Variants in SLC14A2 observed in about 807,000 individuals in gnomAD.
The protein encoded by SLC14A2 is urea transporter 2.
A neutral mutation model predicts 104.6 loss-of-function variants in SLC14A2; 91 were observed. That is an observed-to-expected ratio of 0.87 (90% confidence interval 0.73 to 1.04). The LOEUF is 1.04. SLC14A2 is among the 50% of genes least tolerant of loss of function. The probability of loss-of-function intolerance (pLI) is 0.00; values close to 1 mark genes in which losing one functional copy is unlikely to be tolerated. For missense variants in SLC14A2, 1,189 were observed against 1,156.0 expected (o/e 1.03, Z -0.41); for synonymous variants, 476 against 466.4 (o/e 1.02, Z -0.27).
chr18:45,275,672 C>T (rs2084694748), intron 1 of SLC14A2, among the ~76,000 whole-genome samples: 1 of 152,144 alleles, frequency 6.6e-6, no homozygotes. Flanking sequence ...AAGTGACTTC[C>T]CCTGAAAGTA....
At chr18:45,616,373 A>G (rs1367972168) in intron 1 of SLC14A2, among the ~76,000 whole-genome samples, 1 of 152,212 alleles carries the variant, frequency 6.6e-6, no homozygotes, top group Non-Finnish European at 1.5e-5. Context: ...ATTCTATATT[A>G]GTTCATATCA....
chr18:45,229,244 A>G (rs2084150686), intron 1 of SLC14A2, among the ~76,000 whole-genome samples: 1 of 152,148 alleles, frequency 6.6e-6, no homozygotes, highest in African/African-American at 2.4e-5. Flanking sequence ...GATGCTGGAG[A>G]TACACGCAGA....
chr18:45,312,098 G>A (rs1157597223), intron 1 of SLC14A2, among the ~76,000 whole-genome samples: 5 of 152,198 alleles, frequency 3.3e-5, no homozygotes, highest in Non-Finnish European at 7.3e-5. Flanking sequence ...TACAAGCTGT[G>A]TGACTATGGG....
At chr18:45,600,234 G>A (rs1421685989) in intron 2 of SLC14A2, among the ~76,000 whole-genome samples, 16 of 152,094 alleles carry the variant, frequency 1.1e-4, no homozygotes, top group Admixed American at 1.0e-3. Flanking sequence ...CCCTCTCATG[G>A]TGTTTTTATT....
At chr18:45,327,375 T>C (rs2085246172) in intron 1 of SLC14A2, among the ~76,000 whole-genome samples, 1 of 152,184 alleles carries the variant, frequency 6.6e-6, no homozygotes, top group Non-Finnish European at 1.5e-5. Context: ...ATGCTAAATG[T>C]AGCCCAGTGT....
At chr18:45,238,387 G>T (rs1448813584) in intron 1 of SLC14A2, among the ~76,000 whole-genome samples, 1 of 152,228 alleles carries the variant, frequency 6.6e-6, no homozygotes, top group Admixed American at 6.5e-5. Context: ...CGGTTAGAGT[G>T]TAGAAAGCAA....
intron 1 of SLC14A2, among the ~76,000 whole-genome samples, chr18:45,290,525 A>G (rs1026506793): frequency 1.3e-5 from 2 of 152,198 alleles, no homozygotes; most frequent in Non-Finnish European, 2.9e-5. Context: ...TGGCTTGGCT[A>G]CTAACTGGCA....
chr18:45,315,178 G>T (rs918262624), intron 1 of SLC14A2, among the ~76,000 whole-genome samples: 1 of 152,122 alleles, frequency 6.6e-6, no homozygotes, highest in Non-Finnish European at 1.5e-5. Flanking sequence ...AACCTACAGG[G>T]GCCTCCAGAA....
chr18:45,424,482 G>C (rs184696705), intron 1 of SLC14A2, among the ~76,000 whole-genome samples: 1 of 152,218 alleles, frequency 6.6e-6, no homozygotes, highest in Non-Finnish European at 1.5e-5. Flanking sequence ...GGAAGAAAGG[G>C]GGTAGGGTCA....
chr18:45,544,085 C>T (rs2043930276), intron 2 of SLC14A2, among the ~76,000 whole-genome samples: 1 of 152,212 alleles, frequency 6.6e-6, no homozygotes, highest in Admixed American at 6.5e-5. Context: ...GCCTGATTTC[C>T]TCTGAAAGTC....
intron 1 of SLC14A2, among the ~76,000 whole-genome samples, chr18:45,397,070 C>A (rs190416833): frequency 2.0e-5 from 3 of 152,102 alleles, no homozygotes; most frequent in African/African-American, 7.2e-5. Flanking sequence ...CTGTCATTGA[C>A]GGGCATTTAG....
intron 1 of SLC14A2, among the ~76,000 whole-genome samples, chr18:45,430,388 C>T (rs942795484): frequency 3.3e-5 from 5 of 152,084 alleles, no homozygotes; most frequent in Admixed American, 2.0e-4. Context: ...CCCATATGCT[C>T]ATGGCTATAA....
At chr18:45,243,900 A>G (rs187963017) in intron 1 of SLC14A2, among the ~76,000 whole-genome samples, 134 of 152,330 alleles carry the variant, frequency 8.8e-4, no homozygotes, top group African/African-American at 3.1e-3. Context: ...GTCTGTCTAC[A>G]GGCAGACATG....
chr18:45,425,836 C>T (rs1388498319), intron 1 of SLC14A2, among the ~76,000 whole-genome samples: 2 of 152,094 alleles, frequency 1.3e-5, no homozygotes, highest in African/African-American at 2.4e-5. Flanking sequence ...TTATGACTTT[C>T]CCATGGATAG....
chr18:45,418,026 G>C (rs1243696193), intron 1 of SLC14A2, among the ~76,000 whole-genome samples: 2 of 152,148 alleles, frequency 1.3e-5, no homozygotes, highest in Admixed American at 1.3e-4. Context: ...CAGCTATTCA[G>C]GGAAATAGCA....
Position 45,623,171 on chromosome 18 carries a change from G to A in SLC14A2, c.-34-1460G>A, listed in dbSNP as rs184614894. 1.1e-4 allele frequency among the ~76,000 whole-genome samples: 17 copies of A among 152,236 alleles called. 1 individual carries two copies. The highest frequency in any genetic ancestry group is 2.4e-4 in the African/African-American group (10 of 41,546). On this transcript the variant is annotated intron_variant, in intron 1 of 19. Transcript: ENST00000255226. Reference sequence around the variant, plus strand: ...TCACCTGAGCAGGTGAGCCAAATGTGCAAGAGGAAGTGGCCAGAGGAGAGA... The same window carrying A: ...TCACCTGAGCAGGTGAGCCAAATGTACAAGAGGAAGTGGCCAGAGGAGAGA...
chr18:45,489,629 A>G (rs2087681967), intron 2 of SLC14A2, among the ~76,000 whole-genome samples: 1 of 152,176 alleles, frequency 6.6e-6, no homozygotes, highest in African/African-American at 2.4e-5. Context: ...ACAAAGAGAG[A>G]ATCCAAAATG....
At chr18:45,419,209 A>C (rs1002985457) in intron 1 of SLC14A2, among the ~76,000 whole-genome samples, 1 of 152,182 alleles carries the variant, frequency 6.6e-6, no homozygotes, top group Non-Finnish European at 1.5e-5. Flanking sequence ...TATTCACTCT[A>C]TGTGGTGGAG....
At chr18:45,475,938 T>A (rs2087371127) in intron 1 of SLC14A2, among the ~76,000 whole-genome samples, 1 of 152,018 alleles carries the variant, frequency 6.6e-6, no homozygotes, top group Admixed American at 6.6e-5. Flanking sequence ...TATCCAATTT[T>A]CCAGCCTGTG....
Sources: gnomAD v4.1 joint callset for allele counts (sites outside exome capture counted in the v4.1 genomes callset) on GRCh38, gnomAD v4.1.1 for gene constraint, MANE v1.5 for transcripts, NCBI Gene and HGNC (gene_info 2026-07-23, HGNC 2026-07-21) for gene names.